The following PKIG variants were observed in gnomAD, a reference collection of about 807,000 sequenced individuals.
PKIG encodes protein kinase (cAMP-dependent, catalytic) inhibitor gamma.
A neutral mutation model predicts 6.8 loss-of-function variants in PKIG; 1 was observed. That is an observed-to-expected ratio of 0.15 (90% CI 0.05 to 0.69). The LOEUF is 0.69. Among genes scored for constraint, PKIG ranks in the 30% least tolerant of loss-of-function variants. The pLI is 0.82. For synonymous variants in PKIG, 39 were observed against 43.0 expected, an observed-to-expected ratio of 0.91 and a Z score of 0.36; for missense variants, 77 against 104.0, an observed-to-expected ratio of 0.74 and a Z score of 1.13.
intron 1 of PKIG, among the ~76,000 whole-genome samples, chr20:44,533,030 A>G (rs910091465): frequency 6.6e-6 from 1 of 152,310 alleles, no homozygotes; most frequent in South Asian, 2.1e-4. Flanking sequence ...GAAGCCATCA[A>G]AGGGTTTTAA....
At position 44,583,773 on chromosome 20, in the gene PKIG, C is replaced by G. The variant is rs543081845; in HGVS notation, c.-94+1042C>G. Among the ~76,000 whole-genome samples, 8 of 152,276 alleles carry G rather than the reference C, an allele frequency of 5.3e-5. No homozygotes were observed. In the South Asian group the frequency reaches 1.2e-3, roughly 24 times the overall value. Reference sequence around the variant, plus strand: ...ATTTCCAAATTCAGTATGAAATGAACTGTCCATATTTCTTTTCCCTTTGTA... The same window carrying G: ...ATTTCCAAATTCAGTATGAAATGAAGTGTCCATATTTCTTTTCCCTTTGTA... On this transcript the variant is annotated intron_variant, in intron 1 of 3. Transcript: ENST00000372886.
intron 1 of PKIG, among the ~76,000 whole-genome samples, chr20:44,536,604 G>C (rs1162164455): frequency 2.0e-5 from 3 of 152,168 alleles, no homozygotes; most frequent in African/African-American, 7.2e-5. Flanking sequence ...TTGACTAGGG[G>C]AGGAGGGAGG....
chr20:44,590,222 C>T lies in PKIG; in HGVS notation c.-24+356C>T, dbSNP rs529493774. ...AACATTGGGCCTGGTGCCAGCTTTC[C>T]TCTCCACCAAGTGTTTGCTGTAAAG... On this transcript the variant is annotated intron_variant, in intron 2 of 3. Transcript: ENST00000372886. 2.6e-5 allele frequency among the ~76,000 whole-genome samples: 4 copies of T among 152,286 alleles called. No homozygotes were observed. The South Asian group carries it at 6.2e-4, about 24-fold the overall frequency.
chr20:44,587,942 A>G (rs1223889207), intron 1 of PKIG, among the ~76,000 whole-genome samples: 5 of 152,118 alleles, frequency 3.3e-5, no homozygotes, highest in African/African-American at 4.8e-5. Flanking sequence ...AGAACCCTTT[A>G]TGTGTTAGGC....
At chr20:44,565,926 C>G (rs1364093157) in intron 1 of PKIG, among the ~76,000 whole-genome samples, 2 of 152,212 alleles carry the variant, frequency 1.3e-5, no homozygotes, top group African/African-American at 4.8e-5. Context: ...TCATGCTCGG[C>G]TAATTTTTGT....
At chr20:44,536,690 G>C (rs1299202461) in intron 1 of PKIG, among the ~76,000 whole-genome samples, 1 of 152,196 alleles carries the variant, frequency 6.6e-6, no homozygotes, top group African/African-American at 2.4e-5. Context: ...ACCATTGAAA[G>C]GAAGTGAAAT....
rs1333174994 is a variant in PKIG at position 44,614,543 on chromosome 20, G to T, written c.-14G>T. The T allele has an allele frequency of 6.2e-7, 1 of 1,613,352 alleles. No homozygotes were observed. Among genetic ancestry groups the T allele is most frequent in the African/African-American group, 1.3e-5 (1 of 75,038 alleles). Reference sequence around the variant, plus strand: ...CCTTCTGTCCCCACAGGCCTGAGGAGCGATGCGACAGGCATGATGGAGGTC... The same window carrying T: ...CCTTCTGTCCCCACAGGCCTGAGGATCGATGCGACAGGCATGATGGAGGTC... On this transcript the variant is annotated 5_prime_UTR_variant, in exon 3 of 4. Coordinates refer to ENST00000372886, the MANE Select transcript of PKIG (RefSeq NM_001281445.2). This position sits in a 1 kb window ranked among gnomAD's most constrained non-coding sequence, Gnocchi z 4.6.
At chr20:44,594,685 C>T (rs1036695940) in intron 2 of PKIG, among the ~76,000 whole-genome samples, 2 of 152,074 alleles carry the variant, frequency 1.3e-5, no homozygotes, top group African/African-American at 2.4e-5. Context: ...CACCCCTCTT[C>T]GGCTCTGTCT....
intron 2 of PKIG, among the ~76,000 whole-genome samples, chr20:44,604,170 A>G (rs2065144973): frequency 6.6e-6 from 1 of 152,242 alleles, no homozygotes; most frequent in Admixed American, 6.5e-5. Flanking sequence ...ATGGACCTGA[A>G]GAGAGAAAAT....
chr20:44,566,559 G>C (rs1209904663), intron 1 of PKIG, among the ~76,000 whole-genome samples: 2 of 151,948 alleles, frequency 1.3e-5, no homozygotes, highest in Non-Finnish European at 2.9e-5. Flanking sequence ...AAGTATGCTA[G>C]TCCCAGCTGG....
At chr20:44,551,139 C>T (rs1378104672) in intron 1 of PKIG, among the ~76,000 whole-genome samples, 2 of 152,034 alleles carry the variant, frequency 1.3e-5, no homozygotes, top group Non-Finnish European at 2.9e-5. Context: ...CTGCAAGCTT[C>T]GCCTCCCGGG....
chr20:44,555,861 G>A (rs1046145002), intron 1 of PKIG, among the ~76,000 whole-genome samples: 2 of 151,888 alleles, frequency 1.3e-5, no homozygotes, highest in South Asian at 2.1e-4. Flanking sequence ...TTTTTGAGAC[G>A]GAGTCTCGCT....
At chr20:44,547,844 A>C (rs555583263) in intron 1 of PKIG, among the ~76,000 whole-genome samples, 146 of 152,210 alleles carry the variant, frequency 9.6e-4, no homozygotes, top group Non-Finnish European at 1.5e-3. Flanking sequence ...AGACCAGCCT[A>C]ACCAACATGG....
At chr20:44,583,636 A>G (rs945858276) in intron 1 of PKIG, among the ~76,000 whole-genome samples, 4 of 152,190 alleles carry the variant, frequency 2.6e-5, no homozygotes, top group South Asian at 2.1e-4. Context: ...AAGCTACCAT[A>G]TATTAGAAGG....
intron 3 of PKIG, among the ~76,000 whole-genome samples, chr20:44,616,769 GGGGCTGCGGGCCACGCCCA>G (rs1051714152): frequency 6.6e-6 from 1 of 152,210 alleles, no homozygotes; most frequent in African/African-American, 2.4e-5. Context: ...TTTCACAGGC[GGGGCTGCGGGCCACGCCCA>G]CTCCAGCGAC....
chr20:44,545,800 CAG>C (rs1289109414), intron 1 of PKIG, among the ~76,000 whole-genome samples: 1 of 152,108 alleles, frequency 6.6e-6, no homozygotes, highest in Non-Finnish European at 1.5e-5. Context: ...GCCTGGGACA[CAG>C]AGTAAGACCC....
At chr20:44,543,899 C>A (rs750342857) in intron 1 of PKIG, among the ~76,000 whole-genome samples, 1 of 151,926 alleles carries the variant, frequency 6.6e-6, no homozygotes. Context: ...CCCGTCTCTA[C>A]TAAAAATACA....
intron 1 of PKIG, among the ~76,000 whole-genome samples, chr20:44,555,490 C>A (rs1269764421): frequency 1.3e-5 from 2 of 152,182 alleles, no homozygotes; most frequent in Admixed American, 1.3e-4. Context: ...TACCATGTAT[C>A]TTTCTGTGTC....
intron 1 of PKIG, among the ~76,000 whole-genome samples, chr20:44,557,516 G>A: frequency 8.5e-6 from 1 of 117,926 alleles, no homozygotes. Context: ...CAGGTGACAG[G>A]TGACAAAAAA....
Sources: allele counts gnomAD v4.1 joint callset (sites outside exome capture counted in the v4.1 genomes callset), GRCh38; gene constraint gnomAD v4.1.1; non-coding constraint Gnocchi (gnomAD v3.1); transcripts MANE v1.5; gene names NCBI Gene and HGNC (gene_info 2026-07-23, HGNC 2026-07-21).